The following CEP128 variants were observed in gnomAD, a reference collection of about 807,000 sequenced individuals.
CEP128 encodes centrosomal protein 128kDa.
A neutral mutation model predicts 156.7 loss-of-function variants in CEP128; 132 were observed. That is an observed-to-expected ratio of 0.84 (90% CI 0.73 to 0.97). The LOEUF (loss-of-function observed/expected upper bound fraction) is 0.97. Ranked by LOEUF, CEP128 falls within the 50% of genes least tolerant of loss-of-function variation. The pLI, the probability that CEP128 is intolerant of heterozygous loss-of-function variation, is 0.00. For synonymous variants in CEP128, 469 were observed against 448.9 expected (o/e 1.04, Z -0.57); for missense variants, 1,252 against 1,281.9 (o/e 0.98, Z 0.36).
chr14:80,681,175 T>G (rs2619670), intron 19 of CEP128, among the ~76,000 whole-genome samples: 20,141 of 151,560 alleles, frequency 0.13, 1,420 homozygotes, highest in Middle Eastern at 0.18. Flanking sequence ...ATCCTCTGCA[T>G]CCACACTCCC....
At chr14:80,752,848 T>C (rs918483663) in intron 18 of CEP128, among the ~76,000 whole-genome samples, 1 of 152,232 alleles carries the variant, frequency 6.6e-6, no homozygotes, top group African/African-American at 2.4e-5. Flanking sequence ...TCAAACTATG[T>C]GATCTCTAAA....
chr14:80,569,291 TA>T (rs1891042786), intron 20 of CEP128, among the ~76,000 whole-genome samples: 4 of 152,238 alleles, frequency 2.6e-5, no homozygotes, highest in African/African-American at 9.6e-5. Flanking sequence ...ACTTTAAATC[TA>T]AAACATTTTA....
chr14:80,515,086 A>C (rs1888428203), intron 23 of CEP128, among the ~76,000 whole-genome samples: 1 of 152,188 alleles, frequency 6.6e-6, no homozygotes, highest in South Asian at 2.1e-4. Flanking sequence ...CAAATGAATG[A>C]AATCTCTCTC....
At chr14:80,495,317 G>GGTA (rs1887456292), downstream of CEP128, among the ~76,000 whole-genome samples, 1 of 152,106 alleles carries the variant, frequency 6.6e-6, no homozygotes. Flanking sequence ...CCAACTTAAG[G>GGTA]GTAGGGTAAC....
chr14:80,901,497 C>T (rs935881770), intron 6 of CEP128, among the ~76,000 whole-genome samples: 14 of 152,138 alleles, frequency 9.2e-5, no homozygotes, highest in Admixed American at 4.6e-4. Flanking sequence ...AAATTTTTTA[C>T]GGGGGCATTA....
intron 19 of CEP128, among the ~76,000 whole-genome samples, chr14:80,665,053 A>G (rs887786012): frequency 2.6e-5 from 4 of 152,232 alleles, no homozygotes; most frequent in African/African-American, 9.6e-5. Flanking sequence ...GTGGAAATAA[A>G]GAAAATTTGA....
At chr14:80,634,649 G>A (rs955787350) in intron 19 of CEP128, among the ~76,000 whole-genome samples, 2 of 151,922 alleles carry the variant, frequency 1.3e-5, no homozygotes, top group African/African-American at 2.4e-5. Flanking sequence ...TTCTAATTTG[G>A]AGAAGCCAAC....
intron 15 of CEP128, among the ~76,000 whole-genome samples, chr14:80,783,806 G>T (rs1056355809): frequency 6.6e-6 from 1 of 152,084 alleles, no homozygotes; most frequent in African/African-American, 2.4e-5. Context: ...TATGCATCTA[G>T]TAATAACAGC....
Position 80,831,188 on chromosome 14 carries a change from C to T in CEP128, c.1164G>A (p.Met388Ile). ...ASELEEVKRC[M>I]ERKDKEKAHL... The stretch of plus-strand genomic sequence containing the variant: ...GTGCTTTCTCCTTGTCTTTTCTCTC[C>T]ATGCACCGTTTCACTTCCTCTAACT... Residue 388 changes from methionine to isoleucine, a missense_variant, in exon 13 of 25, where the codon ATG becomes ATA. By Grantham distance (10) the Met-to-Ile change is conservative (BLOSUM62 1). Coordinates refer to ENST00000555265, the MANE Select transcript of CEP128 (RefSeq NM_152446.5). 6.2e-7 allele frequency: 1 copy of T among 1,614,020 alleles called. No individual in the cohort carries two copies. The highest frequency in any genetic ancestry group is 1.1e-5 in the South Asian group (1 of 91,074).
chr14:80,675,628 T>C (rs546893927), intron 19 of CEP128, among the ~76,000 whole-genome samples: 1 of 152,222 alleles, frequency 6.6e-6, no homozygotes, highest in African/African-American at 2.4e-5. Context: ...AATTCATTTG[T>C]TCTTGATAAT....
At chr14:80,949,490 G>A (rs986761384) in intron 2 of CEP128, among the ~76,000 whole-genome samples, 8 of 152,128 alleles carry the variant, frequency 5.3e-5, no homozygotes, top group Non-Finnish European at 8.8e-5. Context: ...AGCAAGATTG[G>A]AGGTAAAATT....
chr14:80,710,229 G>T (rs948404818), intron 19 of CEP128, among the ~76,000 whole-genome samples: 1 of 151,924 alleles, frequency 6.6e-6, no homozygotes, highest in African/African-American at 2.4e-5. Context: ...GTTATCTGTT[G>T]TTCACATCTC....
chr14:80,793,114 C>A lies in CEP128; in HGVS notation c.1210-4G>T. 1.2e-6 allele frequency: 2 copies of A among 1,602,972 alleles called. No homozygotes were observed. The highest frequency in any genetic ancestry group is 1.7e-6 in the Non-Finnish European group (2 of 1,171,328). ...TCTCCAGTTCACGTGTTAAATTCTACGAATAAAGCATGCAAAACATTAGGA... is the reference window on the plus strand; with the variant it reads ...TCTCCAGTTCACGTGTTAAATTCTAAGAATAAAGCATGCAAAACATTAGGA... On this transcript the variant is annotated splice_polypyrimidine_tract_variant and splice_region_variant and intron_variant, in intron 13 of 24. Coordinates refer to ENST00000555265, the MANE Select transcript of CEP128 (RefSeq NM_152446.5).
chr14:80,830,038 C>CT (rs1885701319), intron 13 of CEP128: 2 of 384,010 alleles, frequency 5.2e-6, no homozygotes, highest in Non-Finnish European at 9.4e-6. Flanking sequence ...ATCCAACATA[C>CT]TTTCTTTTTA....
intron 8 of CEP128, chr14:80,894,614 CGTT>C (rs764611341): frequency 3.1e-5 from 15 of 476,254 alleles, no homozygotes; most frequent in Non-Finnish European, 5.0e-5. Flanking sequence ...ATTGGAAAGA[CGTT>C]GTCTACTTCA....
chr14:80,523,383 TG>T (rs1888835132), intron 23 of CEP128, among the ~76,000 whole-genome samples: 1 of 152,202 alleles, frequency 6.6e-6, no homozygotes, highest in South Asian at 2.1e-4. Flanking sequence ...TGCAGTTTAT[TG>T]GGGCCACTTT....
intron 19 of CEP128, among the ~76,000 whole-genome samples, chr14:80,716,879 T>A (rs117762333): frequency 6.6e-6 from 1 of 152,202 alleles, no homozygotes; most frequent in Non-Finnish European, 1.5e-5. Flanking sequence ...TTTCTCTATA[T>A]CTTCGCCAGC....
chr14:80,497,340 C>T lies in CEP128; in HGVS notation c.*139G>A. On this transcript the variant is annotated 3_prime_UTR_variant, in exon 25 of 25. Coordinates refer to ENST00000555265, the MANE Select transcript of CEP128 (RefSeq NM_152446.5). ...TTCACAAGGACCAACAGTATTGTCACTTTTGTCAATGTTTGGCAATACCAA... is the reference window on the plus strand; with the variant it reads ...TTCACAAGGACCAACAGTATTGTCATTTTTGTCAATGTTTGGCAATACCAA... 3.3e-6 allele frequency: 2 copies of T among 607,712 alleles called. No individual in the cohort carries two copies. Among genetic ancestry groups the T allele is most frequent in the Non-Finnish European group, 5.8e-6 (2 of 344,988 alleles). The allele number at this position is 607,712 out of a possible 1,614,324, so 37.6% of individuals were successfully genotyped here. A position where few individuals can be genotyped will look rare whatever the true frequency, so the allele number is the denominator to read the frequency against.
intron 13 of CEP128, among the ~76,000 whole-genome samples, chr14:80,829,037 A>G (rs1401217457): frequency 6.6e-6 from 1 of 152,236 alleles, no homozygotes; most frequent in Non-Finnish European, 1.5e-5. Context: ...TATCTCACAA[A>G]GTCTGCACGA....
Sources: allele counts gnomAD v4.1 joint callset (sites outside exome capture counted in the v4.1 genomes callset), GRCh38; gene constraint gnomAD v4.1.1; transcripts MANE v1.5; gene names NCBI Gene and HGNC (gene_info 2026-07-23, HGNC 2026-07-21).